NREP: variants seen among roughly 807,000 people sequenced by gnomAD.
NREP encodes the protein neuronal regeneration related protein, also known as neuronal regeneration-related protein.
Under a neutral mutation model 8.6 loss-of-function variants are expected in NREP, and 5 were observed. That is an observed-to-expected ratio of 0.58 (90% CI 0.30 to 1.22). NREP has a LOEUF of 1.22. Among genes scored for constraint, NREP ranks in the 50% most tolerant of loss-of-function variants. The pLI is 0.07. For synonymous variants in NREP, 27 were observed against 28.0 expected (o/e 0.96, Z 0.11); for missense variants, 86 against 82.5 (o/e 1.04, Z -0.17).
At chr5:111,856,324 G>C (rs1753426646) in intron 2 of NREP, among the ~76,000 whole-genome samples, 1 of 152,120 alleles carries the variant, frequency 6.6e-6, no homozygotes, top group African/African-American at 2.4e-5. Context: ...GCCTCTAAAG[G>C]ACCCAATGTG....
At chr5:111,907,887 A>AT (rs999846214) in intron 2 of NREP, among the ~76,000 whole-genome samples, 10 of 151,840 alleles carry the variant, frequency 6.6e-5, no homozygotes, top group African/African-American at 1.9e-4. Flanking sequence ...AATTATTACT[A>AT]TTTTTTTTAT....
chr5:111,765,711 G>A (rs1443301806), intron 2 of NREP, among the ~76,000 whole-genome samples: 1 of 152,162 alleles, frequency 6.6e-6, no homozygotes, highest in African/African-American at 2.4e-5. Flanking sequence ...AGATCCAATG[G>A]ACATGATTAG....
At chr5:111,763,227 C>G (rs570799841) in intron 2 of NREP, among the ~76,000 whole-genome samples, 2 of 152,152 alleles carry the variant, frequency 1.3e-5, no homozygotes, top group Admixed American at 6.5e-5. Flanking sequence ...GGGAGGAACA[C>G]AAAATATCAG....
At chr5:111,882,979 T>C (rs1444121973) in intron 2 of NREP, among the ~76,000 whole-genome samples, 1 of 152,152 alleles carries the variant, frequency 6.6e-6, no homozygotes, top group African/African-American at 2.4e-5. Flanking sequence ...CATAACAATA[T>C]TAACTTTAAA....
At chr5:111,874,270 T>C (rs1753854963) in intron 2 of NREP, among the ~76,000 whole-genome samples, 1 of 152,186 alleles carries the variant, frequency 6.6e-6, no homozygotes, top group African/African-American at 2.4e-5. Context: ...GTATTAACAC[T>C]GTATGTGTGC....
intron 2 of NREP, among the ~76,000 whole-genome samples, chr5:111,791,809 A>G (rs1581120912): frequency 6.6e-6 from 1 of 152,180 alleles, no homozygotes; most frequent in Admixed American, 6.5e-5. Context: ...ATTCTTTTAG[A>G]TATACTACCA....
At chr5:111,884,673 C>T (rs1241177930) in intron 2 of NREP, among the ~76,000 whole-genome samples, 4 of 152,144 alleles carry the variant, frequency 2.6e-5, no homozygotes, top group African/African-American at 7.2e-5. Context: ...GTTCAATGTA[C>T]ACAAATCAAT....
chr5:111,881,724 C>G (rs1240779517), intron 2 of NREP, among the ~76,000 whole-genome samples: 1 of 152,190 alleles, frequency 6.6e-6, no homozygotes, highest in Non-Finnish European at 1.5e-5. Flanking sequence ...CAAACAGGGT[C>G]TGGAGTGGAC....
chr5:111,801,941 T>C (rs1403314064), intron 2 of NREP, among the ~76,000 whole-genome samples: 1 of 152,186 alleles, frequency 6.6e-6, no homozygotes, highest in Non-Finnish European at 1.5e-5. Context: ...ATTTTTGCTG[T>C]GCATGGGACT....
At chr5:111,839,728 A>T (rs6871530) in intron 2 of NREP, among the ~76,000 whole-genome samples, 97,445 of 151,908 alleles carry the variant, frequency 0.64, 31,752 homozygotes, top group Non-Finnish European at 0.7. Flanking sequence ...AGTTGTTATA[A>T]TAATATAAAG....
At chr5:111,935,006 G>T (rs1755643536) in intron 2 of NREP, among the ~76,000 whole-genome samples, 1 of 152,018 alleles carries the variant, frequency 6.6e-6, no homozygotes, top group Non-Finnish European at 1.5e-5. Flanking sequence ...GGGTAGAAGG[G>T]GTGTGGAAGG....
chr5:111,948,601 G>C (rs962220590), intron 2 of NREP, among the ~76,000 whole-genome samples: 8 of 152,042 alleles, frequency 5.3e-5, no homozygotes, highest in Non-Finnish European at 1.2e-4. Context: ...TAACGGCCAT[G>C]CAAAAGTGAG....
At chr5:111,745,145 G>T (rs1213226371) in intron 2 of NREP, among the ~76,000 whole-genome samples, 1 of 152,138 alleles carries the variant, frequency 6.6e-6, no homozygotes, top group Non-Finnish European at 1.5e-5. Flanking sequence ...CCACAAGGAA[G>T]AAATAAACCC....
intron 2 of NREP, among the ~76,000 whole-genome samples, chr5:111,859,091 AC>A (rs1217457982): frequency 3.9e-5 from 6 of 152,152 alleles, no homozygotes; most frequent in Non-Finnish European, 8.8e-5. Context: ...CCATCAGCTG[AC>A]TTACATAATG....
At chr5:111,750,188 A>G (rs1750267566) in intron 2 of NREP, among the ~76,000 whole-genome samples, 1 of 152,154 alleles carries the variant, frequency 6.6e-6, no homozygotes. Flanking sequence ...AAAAGGTACT[A>G]TGCTTACTCT....
At chr5:111,837,954 A>G (rs1183180812) in intron 2 of NREP, among the ~76,000 whole-genome samples, 1 of 152,058 alleles carries the variant, frequency 6.6e-6, no homozygotes, top group African/African-American at 2.4e-5. Context: ...AACACCATCT[A>G]CAATGCAATT....
intron 2 of NREP, among the ~76,000 whole-genome samples, chr5:111,838,622 T>C (rs1581155420): frequency 6.6e-6 from 1 of 151,818 alleles, no homozygotes; most frequent in Non-Finnish European, 1.5e-5. Flanking sequence ...TATCGGAGGG[T>C]TTCCTGTCAG....
At chr5:111,775,557 A>G (rs565268350) in intron 2 of NREP, among the ~76,000 whole-genome samples, 1 of 152,226 alleles carries the variant, frequency 6.6e-6, no homozygotes, top group South Asian at 2.1e-4. Context: ...CTTCCTTTCA[A>G]TTCTCGGGAA....
chr5:111,866,142 T>C (rs1166967912), intron 2 of NREP, among the ~76,000 whole-genome samples: 1 of 151,970 alleles, frequency 6.6e-6, no homozygotes, highest in East Asian at 1.9e-4. Context: ...AAAGCCAAAA[T>C]GGACAAATGG....
Sources: gnomAD v4.1 joint callset for allele counts (sites outside exome capture counted in the v4.1 genomes callset) on GRCh38, gnomAD v4.1.1 for gene constraint, MANE v1.5 for transcripts, NCBI Gene and HGNC (gene_info 2026-07-23, HGNC 2026-07-21) for gene names.